Variants in HDX observed in about 807,000 individuals in gnomAD.
HDX encodes the protein chromosome X open reading frame 43.
A neutral mutation model predicts 45.2 loss-of-function variants in HDX; 19 were observed. That is an observed-to-expected ratio of 0.42 (90% CI 0.29 to 0.62). The LOEUF (loss-of-function observed/expected upper bound fraction) is 0.62. Among genes scored for constraint, HDX ranks in the 20% least tolerant of loss-of-function variants. HDX has a pLI of 0.20. For missense variants in HDX, 532 were observed against 493.9 expected, an observed-to-expected ratio of 1.08 and a Z score of -0.73; for synonymous variants, 188 against 172.8, an observed-to-expected ratio of 1.09 and a Z score of -0.69.
At chrX:84,488,775 T>C (rs1030280881) in intron 1 of HDX, among the ~76,000 whole-genome samples, 2 of 112,131 alleles carry the variant, frequency 1.8e-5, no homozygotes, top group Non-Finnish European at 3.8e-5. Flanking sequence ...AAACAGGGAA[T>C]AGAAAAATAA....
chrX:84,451,253 A>T (rs2039990620), intron 4 of HDX, among the ~76,000 whole-genome samples: 1 of 111,402 alleles, frequency 9.0e-6, no homozygotes, highest in African/African-American at 3.3e-5. Context: ...TTCTTAAAAG[A>T]TAAACAAATT....
intron 4 of HDX, among the ~76,000 whole-genome samples, chrX:84,466,600 A>G (rs1041493613): frequency 1.2e-4 from 14 of 112,347 alleles, no homozygotes; most frequent in Non-Finnish European, 2.1e-4. Context: ...TTGTTTCTTT[A>G]AAAGTTCTGT....
chrX:84,435,701 C>T (rs1455843589), intron 5 of HDX, among the ~76,000 whole-genome samples: 10 of 107,870 alleles, frequency 9.3e-5, no homozygotes, highest in South Asian at 8.3e-4. Context: ...TTAGGTCTAA[C>T]GTTTAAATCT....
intron 5 of HDX, among the ~76,000 whole-genome samples, chrX:84,421,195 A>G (rs1569331879): frequency 2.7e-5 from 3 of 112,181 alleles, no homozygotes; most frequent in South Asian, 7.4e-4. Flanking sequence ...TAAATAATGA[A>G]CCAATCAAAA....
At chrX:84,427,416 A>G (rs1447006564) in intron 5 of HDX, among the ~76,000 whole-genome samples, 3 of 111,470 alleles carry the variant, frequency 2.7e-5, no homozygotes, top group Non-Finnish European at 5.7e-5. Flanking sequence ...CAATGAACAT[A>G]AACATCACGC....
intron 1 of HDX, among the ~76,000 whole-genome samples, chrX:84,496,593 C>A (rs1178466448): frequency 1.8e-5 from 2 of 111,075 alleles, no homozygotes; most frequent in Non-Finnish European, 3.8e-5. Context: ...TTTCTCTCTG[C>A]ATTCAGTATT....
rs947959435 is a variant in HDX, at chrX:84,502,428, G to A, written c.-196C>T. 4 of 111,545 alleles carry A rather than the reference G, an allele frequency of 3.6e-5. No homozygotes were observed. Among genetic ancestry groups the A allele is most frequent in the Admixed American group, 1.9e-4 (2 of 10,514 alleles). The allele number at this position is 111,545 out of a possible 1,213,427, so 9.2% of individuals were successfully genotyped here. Reference sequence around the variant, plus strand: ...AGGCGGATTCAGCGAGATTTTTCCTGGGTCTCCAGTGCCGCTTCAGACAAT... The same window carrying A: ...AGGCGGATTCAGCGAGATTTTTCCTAGGTCTCCAGTGCCGCTTCAGACAAT... On this transcript the variant is annotated 5_prime_UTR_variant, in exon 1 of 11. Transcript: ENST00000373177.
chrX:84,489,246 G>A (rs2040850566), intron 1 of HDX, among the ~76,000 whole-genome samples: 1 of 111,468 alleles, frequency 9.0e-6, no homozygotes, highest in Non-Finnish European at 1.9e-5. Flanking sequence ...CTGAGCAGTA[G>A]TGGAATGGAA....
At chrX:84,373,211 A>C (rs1387191435) in intron 5 of HDX, among the ~76,000 whole-genome samples, 1 of 111,446 alleles carries the variant, frequency 9.0e-6, no homozygotes, top group Non-Finnish European at 1.9e-5. Context: ...AGAATGAAAA[A>C]CAGAGCTATT....
chrX:84,417,207 G>GA (rs1259946561), intron 5 of HDX, among the ~76,000 whole-genome samples: 36 of 61,464 alleles, frequency 5.9e-4, no homozygotes, highest in South Asian at 2.3e-3. Context: ...AAAGAAGAAA[G>GA]AAAAAAAAGA....
intron 5 of HDX, among the ~76,000 whole-genome samples, chrX:84,399,541 T>C (rs1036948840): frequency 1.8e-5 from 2 of 110,859 alleles, no homozygotes; most frequent in Non-Finnish European, 3.8e-5. Flanking sequence ...AATAGACCAA[T>C]AACAAGTTCT....
chrX:84,394,038 A>G lies in HDX; in HGVS notation c.1306-32426T>C, dbSNP rs113889885. 6.4e-5 allele frequency among the ~76,000 whole-genome samples: 7 copies of G among 108,797 alleles called. No homozygotes were observed. In the East Asian group the frequency reaches 1.5e-3, roughly 23 times the overall value. The allele number at this position is 108,797 out of a possible 115,157, so 94.5% of individuals were successfully genotyped here. On this transcript the variant is annotated intron_variant, in intron 5 of 10. Transcript: ENST00000373177. ...ACTCTTATCTTTATTCCCTTTTCCT[A>G]ATTTTGATTTTGATTTTTTTCTTGC...
chrX:84,479,672 C>T (rs746726234), intron 2 of HDX, among the ~76,000 whole-genome samples: 1 of 111,798 alleles, frequency 8.9e-6, no homozygotes, highest in African/African-American at 3.2e-5. Context: ...CTCGAATGCA[C>T]TGAAAAACAT....
intron 2 of HDX, among the ~76,000 whole-genome samples, chrX:84,487,411 T>G (rs992291605): frequency 8.9e-6 from 1 of 112,172 alleles, no homozygotes; most frequent in African/African-American, 3.2e-5. Flanking sequence ...GAATGTTGAT[T>G]TGGCAGAACA....
At chrX:84,350,753 G>A (rs1307534973) in intron 6 of HDX, among the ~76,000 whole-genome samples, 2 of 111,494 alleles carry the variant, frequency 1.8e-5, no homozygotes, top group Admixed American at 1.9e-4. Context: ...CATCAAGTTA[G>A]GTCATTTTTA....
At chrX:84,494,930 C>T (rs1238597076) in intron 1 of HDX, among the ~76,000 whole-genome samples, 1 of 111,310 alleles carries the variant, frequency 9.0e-6, no homozygotes, top group Admixed American at 9.6e-5. Flanking sequence ...AGCCAAGATA[C>T]GGAGTCAACC....
chrX:84,464,945 C>A (rs1013235790), intron 4 of HDX, among the ~76,000 whole-genome samples: 3 of 111,789 alleles, frequency 2.7e-5, no homozygotes, highest in East Asian at 5.6e-4. Flanking sequence ...GGGCTAATAT[C>A]CAGAATCTAC....
chrX:84,452,188 T>C, intron 4 of HDX, among the ~76,000 whole-genome samples: 1 of 110,477 alleles, frequency 9.1e-6, no homozygotes, highest in South Asian at 3.9e-4. Flanking sequence ...AAAGAAAAAA[T>C]AAAAGGCAGC....
At chrX:84,386,984 A>G (rs1569309972) in intron 5 of HDX, among the ~76,000 whole-genome samples, 1 of 110,895 alleles carries the variant, frequency 9.0e-6, no homozygotes, top group Non-Finnish European at 1.9e-5. Context: ...AGGGCCATAA[A>G]CTTTCCTCTT....
Sources: gnomAD v4.1 joint callset for allele counts (sites outside exome capture counted in the v4.1 genomes callset) on GRCh38, gnomAD v4.1.1 for gene constraint, MANE v1.5 for transcripts, NCBI Gene and HGNC (gene_info 2026-07-23, HGNC 2026-07-21) for gene names.